The following STX8 variants were observed in gnomAD, a reference collection of about 807,000 sequenced individuals.
STX8 encodes syntaxin-8.
Under a neutral mutation model 37.5 loss-of-function variants are expected in STX8, and 23 were observed. That is an observed-to-expected ratio of 0.61 (90% CI 0.44 to 0.87). The LOEUF is 0.87. STX8 is among the 40% of genes least tolerant of loss of function. The pLI, the probability that STX8 is intolerant of heterozygous loss-of-function variation, is 0.00. For synonymous variants in STX8, 115 were observed against 99.1 expected, an observed-to-expected ratio of 1.16 and a Z score of -0.95; for missense variants, 313 against 284.7, an observed-to-expected ratio of 1.10 and a Z score of -0.71.
chr17:9,434,867 T>C (rs936314619), intron 6 of STX8, among the ~76,000 whole-genome samples: 4 of 152,190 alleles, frequency 2.6e-5, no homozygotes, highest in Non-Finnish European at 5.9e-5. Context: ...GGGGCATTTC[T>C]AGATGCATAG....
At chr17:9,300,523 ACTT>A (rs1248055742) in intron 7 of STX8, among the ~76,000 whole-genome samples, 1 of 151,962 alleles carries the variant, frequency 6.6e-6, no homozygotes, top group Non-Finnish European at 1.5e-5. Context: ...TCGTAGATCT[ACTT>A]CTTGTTGAGC....
intron 6 of STX8, among the ~76,000 whole-genome samples, chr17:9,442,755 G>A (rs1167266641): frequency 1.3e-5 from 2 of 152,136 alleles, no homozygotes; most frequent in African/African-American, 4.8e-5. Context: ...AGCAAAAGAA[G>A]TGAATAGTGG....
intron 6 of STX8, among the ~76,000 whole-genome samples, chr17:9,460,498 C>T (rs551270564): frequency 6.2e-4 from 95 of 152,068 alleles, no homozygotes; most frequent in African/African-American, 2.2e-3. Context: ...CATGGCAAAA[C>T]CCCATCTCTA....
At chr17:9,505,941 CAAAAAAAAAA>C (rs11311287) in intron 4 of STX8, among the ~76,000 whole-genome samples, 2 of 101,596 alleles carry the variant, frequency 2.0e-5, no homozygotes, top group African/African-American at 7.4e-5. Context: ...GACTCTGTCT[CAAAAAAAAAA>C]AAAAAAAAAG....
chr17:9,328,151 A>G (rs1307276992), intron 7 of STX8, among the ~76,000 whole-genome samples: 1 of 150,426 alleles, frequency 6.6e-6, no homozygotes, highest in East Asian at 2.0e-4. Flanking sequence ...GCCTCAACTG[A>G]TCCTCCACCT....
intron 6 of STX8, among the ~76,000 whole-genome samples, chr17:9,386,696 G>C (rs190408775): frequency 1.3e-5 from 2 of 152,180 alleles, no homozygotes; most frequent in Admixed American, 1.3e-4. Context: ...CCTGGCAGTG[G>C]GATGGTTAAT....
intron 7 of STX8, among the ~76,000 whole-genome samples, chr17:9,356,980 T>A (rs1910902010): frequency 6.7e-6 from 1 of 148,194 alleles, no homozygotes; most frequent in Non-Finnish European, 1.5e-5. Context: ...TTTTTTTTTT[T>A]TTTTTTAGGC....
chr17:9,350,523 TTTTTTTG>T (rs1910672706), intron 7 of STX8, among the ~76,000 whole-genome samples: 1 of 151,996 alleles, frequency 6.6e-6, no homozygotes, highest in African/African-American at 2.4e-5. Flanking sequence ...AAAGTGTTTT[TTTTTTTG>T]TTTTTGTTTT....
At position 9,420,395 on chromosome 17, in the gene STX8, G is replaced by C. The variant is rs192108888; in HGVS notation, c.542-41742C>G. On this transcript the variant is annotated intron_variant, in intron 6 of 7. Transcript: ENST00000306357. ...TCCGCCAAGTTAGCTCTCTTCCTTC[G>C]ACCAGTAACCTTACCTATAGGTGCC... Among the ~76,000 whole-genome samples the C allele has an allele frequency of 1.1e-3, 173 of 152,150 alleles. 1 individual carries two copies. Among genetic ancestry groups the C allele is most frequent in the African/African-American group, 4.1e-3 (169 of 41,516 alleles).
At chr17:9,347,804 T>G (rs1344926550) in intron 7 of STX8, among the ~76,000 whole-genome samples, 1 of 152,176 alleles carries the variant, frequency 6.6e-6, no homozygotes, top group East Asian at 1.9e-4. Flanking sequence ...TTCTCCCAAC[T>G]CCCCAGTCCC....
chr17:9,429,224 A>T (rs984218388), intron 6 of STX8, among the ~76,000 whole-genome samples: 12 of 149,494 alleles, frequency 8.0e-5, no homozygotes, highest in Middle Eastern at 3.5e-3. Context: ...AATTTTTTAA[A>T]ATTGTTTTGA....
rs536348508 is a variant in STX8, at chr17:9,522,099, G to A, written c.324-16937C>T. Among the ~76,000 whole-genome samples, 6 of 152,048 alleles carry A rather than the reference G, an allele frequency of 3.9e-5. No individual in the cohort carries two copies. The South Asian group carries it at 1.2e-3, about 32-fold the overall frequency. ...GGCACTGCTCCTGAGAGTCACACAG[G>A]CCATCTTAAGCAAAAAACAAAACCA... On this transcript the variant is annotated intron_variant, in intron 4 of 7. Coordinates refer to ENST00000306357, the MANE Select transcript of STX8 (RefSeq NM_004853.3).
chr17:9,296,956 C>T (rs1908575123), intron 7 of STX8, among the ~76,000 whole-genome samples: 3 of 152,000 alleles, frequency 2.0e-5, no homozygotes, highest in Non-Finnish European at 4.4e-5. Context: ...AATACATATA[C>T]AGAAAATTAC....
rs551479586 is a variant in STX8 at position 9,434,771 on chromosome 17, T to TG, written c.542-56119dup. Among the ~76,000 whole-genome samples the TG allele has an allele frequency of 1.6e-4, 24 of 152,358 alleles. No individual in the cohort carries two copies. In the East Asian group the frequency reaches 4.4e-3, roughly 28 times the overall value. ...GCAGTGTGTCCAGAGCAGCAGCATA[T>TG]GGGCTGTTGGCTAGCTGTATTTATA... is the stretch of plus-strand genomic sequence containing the variant. On this transcript the variant is annotated intron_variant, in intron 6 of 7. Coordinates refer to ENST00000306357, the MANE Select transcript of STX8 (RefSeq NM_004853.3).
intron 6 of STX8, among the ~76,000 whole-genome samples, chr17:9,412,911 G>GA (rs1024402501): frequency 6.6e-6 from 1 of 152,074 alleles, no homozygotes. Context: ...CGTAATCAAA[G>GA]AAAAAAATCA....
rs562014283 is a variant in STX8, at chr17:9,574,265, A to G, written c.17+1527T>C. Among the ~76,000 whole-genome samples the G allele has an allele frequency of 3.4e-3, 507 of 148,210 alleles. 1 individual carries two copies. Among genetic ancestry groups the G allele is most frequent in the Non-Finnish European group, 5.9e-3 (396 of 67,142 alleles). On this transcript the variant is annotated intron_variant, in intron 1 of 7. Coordinates refer to ENST00000306357, the MANE Select transcript of STX8 (RefSeq NM_004853.3). ...CAGCCTGGGTGACAGACAGAGCAAG[A>G]CTCCGTCTCAAAAAAAAAAAAAAGA...
At chr17:9,559,760 A>ATATTTTTTTTTTTTTTTTT in intron 2 of STX8, among the ~76,000 whole-genome samples, 1 of 24,492 alleles carries the variant, frequency 4.1e-5, no homozygotes, top group African/African-American at 1.9e-4. Context: ...ATATATATAT[A>ATATTTTTTTTTTTTTTTTT]TTTTTTTTTT....
chr17:9,539,666 C>G (rs1441799935), intron 4 of STX8, among the ~76,000 whole-genome samples: 1 of 151,728 alleles, frequency 6.6e-6, no homozygotes, highest in Non-Finnish European at 1.5e-5. Flanking sequence ...CCAACTGACC[C>G]CCCCCACCCC....
At chr17:9,309,498 A>G (rs1251084178) in intron 7 of STX8, among the ~76,000 whole-genome samples, 1 of 152,154 alleles carries the variant, frequency 6.6e-6, no homozygotes, top group Admixed American at 6.5e-5. Flanking sequence ...TTGGGGAAAA[A>G]GTCACACTCG....
Sources: allele counts gnomAD v4.1 joint callset (sites outside exome capture counted in the v4.1 genomes callset), GRCh38; gene constraint gnomAD v4.1.1; transcripts MANE v1.5; gene names NCBI Gene and HGNC (gene_info 2026-07-23, HGNC 2026-07-21).